SNX13: variants seen among roughly 807,000 people sequenced by gnomAD.
SNX13 encodes the protein sorting nexin-13.
Under a neutral mutation model 133.6 loss-of-function variants are expected in SNX13, and 45 were observed. The observed-to-expected ratio is 0.34, with a 90% confidence interval of 0.27 to 0.43. The LOEUF (loss-of-function observed/expected upper bound fraction) is 0.43, where lower values mean the gene tolerates loss of function less well. Among genes scored for constraint, SNX13 ranks in the 20% least tolerant of loss-of-function variants. The probability of loss-of-function intolerance (pLI) is 1.00; values close to 1 mark genes in which losing one functional copy is unlikely to be tolerated. For synonymous variants in SNX13, 414 were observed against 373.9 expected (o/e 1.11, Z -1.24); for missense variants, 1,032 against 1,145.1 (o/e 0.90, Z 1.43).
intron 15 of SNX13, among the ~76,000 whole-genome samples, 180 bp downstream of exon 15, chr7:17,833,872 T>C (rs980812438): frequency 1.3e-5 from 2 of 151,734 alleles, no homozygotes; most frequent in African/African-American, 4.8e-5. Context: ...CACTATTAAA[T>C]TTTCAGCATT....
chr7:17,797,410 G>T (rs963720499), intron 24 of SNX13, among the ~76,000 whole-genome samples: 1 of 151,752 alleles, frequency 6.6e-6, no homozygotes, highest in Non-Finnish European at 1.5e-5. Flanking sequence ...CTTACAGATG[G>T]ATTGACTATA....
intron 1 of SNX13, among the ~76,000 whole-genome samples, chr7:17,929,560 T>C (rs994052474): frequency 6.6e-6 from 1 of 152,176 alleles, no homozygotes; most frequent in Non-Finnish European, 1.5e-5. Flanking sequence ...CTCACCTTTA[T>C]GCTCTAAGAC....
In SNX13 at chr7:17,923,182, C is replaced by T. The variant is rs534405481; in HGVS notation, c.12+17102G>A. 2.7e-4 allele frequency among the ~76,000 whole-genome samples: 41 copies of T among 152,102 alleles called. No individual in the cohort carries two copies. The South Asian group carries it at 3.1e-3, about 12-fold the overall frequency. Reference sequence around the variant, plus strand: ...CTGTCCCAAAACTTGTACTCCACCACGTGAAAAAACATGAAATATCCTGTT... The same window carrying T: ...CTGTCCCAAAACTTGTACTCCACCATGTGAAAAAACATGAAATATCCTGTT... On this transcript the variant is annotated intron_variant, in intron 1 of 25. Coordinates refer to ENST00000428135, the MANE Select transcript of SNX13 (RefSeq NM_015132.5).
At chr7:17,934,223 C>A (rs1322493845) in intron 1 of SNX13, among the ~76,000 whole-genome samples, 3 of 152,156 alleles carry the variant, frequency 2.0e-5, no homozygotes, top group Non-Finnish European at 2.9e-5. Flanking sequence ...CAAAATTAAA[C>A]CTGACTCTGA....
At chr7:17,799,809 C>T (rs1784425576) in intron 22 of SNX13, among the ~76,000 whole-genome samples, 1 of 151,638 alleles carries the variant, frequency 6.6e-6, no homozygotes, top group Non-Finnish European at 1.5e-5. Context: ...GATCGGAATG[C>T]TTTGATGCAA....
chr7:17,844,136 T>A (rs190951899), intron 12 of SNX13, among the ~76,000 whole-genome samples: 1 of 151,902 alleles, frequency 6.6e-6, no homozygotes, highest in Non-Finnish European at 1.5e-5. Flanking sequence ...AAAGCAATAG[T>A]TGATTCTTTG....
chr7:17,851,515 T>C (rs1174745715), intron 9 of SNX13, among the ~76,000 whole-genome samples: 1 of 152,122 alleles, frequency 6.6e-6, no homozygotes, highest in African/African-American at 2.4e-5. Flanking sequence ...AATGGTGGTG[T>C]GGTACAAAGT....
intron 1 of SNX13, among the ~76,000 whole-genome samples, chr7:17,933,589 A>G (rs1801668608): frequency 6.6e-6 from 1 of 152,094 alleles, no homozygotes; most frequent in Non-Finnish European, 1.5e-5. Flanking sequence ...ATTCATTGAA[A>G]TCGGTTTACC....
chr7:17,919,662 C>T (rs1487258429), intron 1 of SNX13, among the ~76,000 whole-genome samples: 1 of 152,130 alleles, frequency 6.6e-6, no homozygotes, highest in Non-Finnish European at 1.5e-5. Flanking sequence ...AAAATTGATA[C>T]TATTCATATC....
At chr7:17,844,524 A>G (rs1270899341) in intron 12 of SNX13, among the ~76,000 whole-genome samples, 1 of 152,132 alleles carries the variant, frequency 6.6e-6, no homozygotes, top group Non-Finnish European at 1.5e-5. Flanking sequence ...AAAAAATTAA[A>G]CAGGAAACAC....
At position 17,796,875 on chromosome 7, in the gene SNX13, T is replaced by G; in HGVS notation, c.2578A>C (p.Met860Leu). The G allele has an allele frequency of 6.2e-7, 1 of 1,611,354 alleles. No individual in the cohort carries two copies. Among genetic ancestry groups the G allele is most frequent in the Non-Finnish European group, 8.5e-7 (1 of 1,178,202 alleles). The change falls in exon 25 of 26, where the codon ATG (methionine) becomes CTG (leucine). Residue 860 changes from methionine (M) to leucine (L), a missense_variant. Transcript: ENST00000428135. ...GTTTTTCCTGCTACTCTTGTTCTCATTCGAATACTTTTATCTCTGCATGGA... is the reference window on the plus strand; with the variant it reads ...GTTTTTCCTGCTACTCTTGTTCTCAGTCGAATACTTTTATCTCTGCATGGA... ...AVPCRDKSIR[M>L]RTRVAGKTKL...
At chr7:17,862,041 A>C (rs1314524698) in intron 9 of SNX13, among the ~76,000 whole-genome samples, 4 of 152,202 alleles carry the variant, frequency 2.6e-5, no homozygotes, top group Non-Finnish European at 5.9e-5. Flanking sequence ...AACAGTTTGA[A>C]ATATTTTTAG....
chr7:17,806,242 C>CTG (rs1785282589), intron 20 of SNX13, among the ~76,000 whole-genome samples: 2 of 152,228 alleles, frequency 1.3e-5, no homozygotes, highest in South Asian at 4.1e-4. Context: ...TAGAAAGATA[C>CTG]TGTGTACAAA....
In SNX13 at chr7:17,937,575, G is replaced by A. The variant is rs189696189; in HGVS notation, c.12+2709C>T. Among the ~76,000 whole-genome samples the A allele has an allele frequency of 8.8e-5, 13 of 147,888 alleles. No homozygotes were observed. The East Asian group carries it at 2.2e-3, about 25-fold the overall frequency. On this transcript the variant is annotated intron_variant, in intron 1 of 25. Coordinates refer to ENST00000428135, the MANE Select transcript of SNX13 (RefSeq NM_015132.5). ...AACGCAAAACTGAAAAGTTTCATAT[G>A]AACACTTATCATTACTATTCTCATT... is the stretch of plus-strand genomic sequence containing the variant.
intron 1 of SNX13, among the ~76,000 whole-genome samples, chr7:17,903,822 A>G (rs1333609978): frequency 6.6e-6 from 1 of 152,184 alleles, no homozygotes; most frequent in East Asian, 1.9e-4. Context: ...TATGCCTCCC[A>G]AGAAAGTAGT....
At chr7:17,870,104 T>G (rs1050515845) in intron 8 of SNX13, among the ~76,000 whole-genome samples, 1 of 152,166 alleles carries the variant, frequency 6.6e-6, no homozygotes, top group African/African-American at 2.4e-5. Context: ...TCCAAGCAAG[T>G]AGGCACTTCC....
intron 1 of SNX13, among the ~76,000 whole-genome samples, chr7:17,902,980 C>T (rs2128006408): frequency 6.6e-6 from 1 of 152,220 alleles, no homozygotes; most frequent in East Asian, 1.9e-4. Flanking sequence ...ATCTTGAAAC[C>T]ATCCCCTCCA....
At chr7:17,924,012 C>T (rs1188394963) in intron 1 of SNX13, among the ~76,000 whole-genome samples, 2 of 152,190 alleles carry the variant, frequency 1.3e-5, no homozygotes, top group Non-Finnish European at 1.5e-5. Context: ...TTCAGCTCTT[C>T]TTTTATCTAT....
intron 5 of SNX13, chr7:17,881,173 G>A (rs941613098): frequency 1.3e-5 from 2 of 151,938 alleles, no homozygotes; most frequent in Non-Finnish European, 2.9e-5. Flanking sequence ...TTTAAAAACA[G>A]TAAGAATGGT....
Sources: allele counts gnomAD v4.1 joint callset (sites outside exome capture counted in the v4.1 genomes callset), GRCh38; gene constraint gnomAD v4.1.1; transcripts MANE v1.5; gene names NCBI Gene and HGNC (gene_info 2026-07-23, HGNC 2026-07-21).